ARSJ: variants seen among roughly 807,000 people sequenced by gnomAD.
ARSJ encodes the protein arylsulfatase family member J, also known as arylsulfatase J.
Under a neutral mutation model 35.9 loss-of-function variants are expected in ARSJ, and 26 were observed. That is an observed-to-expected ratio of 0.72 (90% CI 0.53 to 1.00). The LOEUF (loss-of-function observed/expected upper bound fraction) is 1.00, where lower values mean the gene tolerates loss of function less well. ARSJ is among the 50% of genes least tolerant of loss of function. ARSJ has a pLI of 0.00. For synonymous variants in ARSJ, 294 were observed against 267.6 expected (o/e 1.10, Z -0.96); for missense variants, 667 against 723.6 (o/e 0.92, Z 0.90).
chr4:113,918,866 C>T (rs1017369125), intron 1 of ARSJ, among the ~76,000 whole-genome samples: 5 of 152,042 alleles, frequency 3.3e-5, no homozygotes, highest in African/African-American at 4.8e-5. Flanking sequence ...TATCACAGTT[C>T]AATGCAGCCC....
Position 113,902,911 on chromosome 4 carries a change from G to C in ARSJ, c.1163C>G (p.Ala388Gly). The change falls in exon 2 of 2, where the codon GCT (alanine) becomes GGT (glycine). Residue 388 changes from alanine to glycine, a missense_variant. Coordinates refer to ENST00000315366, the MANE Select transcript of ARSJ (RefSeq NM_024590.4). ...AATGTCCTCATCAATCTGTCCTTCA[G>C]CCAGTGAAATGAGAGTGGGGTACCA... is the stretch of plus-strand genomic sequence containing the variant. ...TDWYPTLISLAEGQIDEDIQL... is the reference protein window; with the variant it reads ...TDWYPTLISLGEGQIDEDIQL... 6.2e-7 allele frequency: 1 copy of C among 1,614,164 alleles called. No homozygotes were observed. Among genetic ancestry groups the C allele is most frequent in the Non-Finnish European group, 8.5e-7 (1 of 1,180,030 alleles).
At chr4:113,904,999 G>A (rs1382494530) in intron 1 of ARSJ, among the ~76,000 whole-genome samples, 1 of 152,144 alleles carries the variant, frequency 6.6e-6, no homozygotes, top group Non-Finnish European at 1.5e-5. Context: ...GTCTAAGAAA[G>A]CATAACACTT....
In ARSJ at chr4:113,902,018, A is replaced by G; in HGVS notation, c.*256T>C. ...ACAGCAGTGGAACTCAGGACTCACC[A>G]CGTTTTCTAAAGGAGCAAGAGAAAT... On this transcript the variant is annotated 3_prime_UTR_variant, in exon 2 of 2. Coordinates refer to ENST00000315366, the MANE Select transcript of ARSJ (RefSeq NM_024590.4). 1 of 1,079,388 alleles carries G rather than the reference A, an allele frequency of 9.3e-7. No homozygotes were observed. The highest frequency in any genetic ancestry group is 1.6e-5 in the South Asian group (1 of 62,698). 66.9% of individuals were successfully genotyped at this position (1,079,388 alleles called of 1,614,324 possible). A position where few individuals can be genotyped will look rare whatever the true frequency, so the allele number is the denominator to read the frequency against.
At chr4:113,930,049 C>A (rs569433439) in intron 1 of ARSJ, among the ~76,000 whole-genome samples, 1 of 152,126 alleles carries the variant, frequency 6.6e-6, no homozygotes, top group African/African-American at 2.4e-5. Context: ...AAGCAGCCAA[C>A]TCCAGAAACC....
rs575678375 is a variant in ARSJ, at chr4:113,965,080, T to C, written c.398+13357A>G. 3.9e-5 allele frequency among the ~76,000 whole-genome samples: 6 copies of C among 152,270 alleles called. No individual in the cohort carries two copies. In the South Asian group the frequency reaches 1.2e-3, roughly 32 times the overall value. ...TTTAAATGCCTTGTGGCATCTACAC[T>C]TATGGAATATTTAAGTTCTTCATTT... On this transcript the variant is annotated intron_variant, in intron 1 of 1. Coordinates refer to ENST00000315366, the MANE Select transcript of ARSJ (RefSeq NM_024590.4).
intron 1 of ARSJ, chr4:113,971,020 G>A (rs1166454268): frequency 6.6e-6 from 1 of 150,838 alleles, no homozygotes; most frequent in Non-Finnish European, 1.5e-5. Context: ...ATGAGAAGCA[G>A]AAAGTCTTTT....
intron 1 of ARSJ, among the ~76,000 whole-genome samples, chr4:113,918,209 T>C (rs1010357228): frequency 2.6e-5 from 4 of 152,092 alleles, no homozygotes; most frequent in African/African-American, 9.7e-5. Context: ...CGAGGCTGAA[T>C]TGTCCTCACA....
At chr4:113,942,415 T>C (rs1205897857) in intron 1 of ARSJ, among the ~76,000 whole-genome samples, 1 of 152,060 alleles carries the variant, frequency 6.6e-6, no homozygotes, top group Non-Finnish European at 1.5e-5. Flanking sequence ...CTTGAAATTA[T>C]GGCTGCAACC....
intron 1 of ARSJ, among the ~76,000 whole-genome samples, chr4:113,972,772 C>G (rs1727355559): frequency 6.6e-6 from 1 of 152,176 alleles, no homozygotes; most frequent in Admixed American, 6.5e-5. Context: ...TGGACAGCCC[C>G]TGTACCTTTT....
intron 1 of ARSJ, among the ~76,000 whole-genome samples, chr4:113,910,773 T>C (rs1190538897): frequency 1.3e-5 from 2 of 152,168 alleles, no homozygotes; most frequent in Non-Finnish European, 2.9e-5. Context: ...TCCTACACTG[T>C]GCTAGCTTTG....
chr4:113,902,427 C>A lies in ARSJ; in HGVS notation c.1647G>T (p.Gly549=). The A allele has an allele frequency of 2.5e-6, 4 of 1,613,850 alleles. No individual in the cohort carries two copies. Among genetic ancestry groups the A allele is most frequent in the Non-Finnish European group, 3.4e-6 (4 of 1,179,982 alleles). Residue 549 remains glycine (G), a synonymous_variant, in exon 2 of 2, where the codon GGG becomes GGT. Coordinates refer to ENST00000315366, the MANE Select transcript of ARSJ (RefSeq NM_024590.4). ...CCTCTTTATACCATGGTCCCCAGAC[C>A]CCTCCATTGAGCCTAGGGTTACTTC... The part of the protein sequence containing the change: ...DPRSNPRLNG[G]VWGPWYKEET...
At chr4:113,923,397 C>A (rs1723805488) in intron 1 of ARSJ, among the ~76,000 whole-genome samples, 1 of 151,982 alleles carries the variant, frequency 6.6e-6, no homozygotes, top group African/African-American at 2.4e-5. Context: ...TAGATTTCAG[C>A]CTATGTAGAT....
At chr4:113,972,315 A>AAC (rs1562379433) in intron 1 of ARSJ, among the ~76,000 whole-genome samples, 1 of 149,552 alleles carries the variant, frequency 6.7e-6, no homozygotes, top group Non-Finnish European at 1.5e-5. Flanking sequence ...AACAAAAAAA[A>AAC]AAACCCCACC....
At position 113,900,606 on chromosome 4, in the gene ARSJ, A is replaced by T. The variant is rs1177587863; in HGVS notation, c.*1668T>A. ...TAAATGTATTTAATGGTATGCTGTC[A>T]TACCACCACACACATTTTCAGATCA... On this transcript the variant is annotated 3_prime_UTR_variant, in exon 2 of 2. Coordinates refer to ENST00000315366, the MANE Select transcript of ARSJ (RefSeq NM_024590.4). The T allele has an allele frequency of 6.6e-6, 1 of 152,176 alleles. No homozygotes were observed. The highest frequency in any genetic ancestry group is 1.9e-4 in the East Asian group (1 of 5,194). The allele number at this position is 152,176 out of a possible 1,614,324, so 9.4% of individuals were successfully genotyped here.
intron 1 of ARSJ, among the ~76,000 whole-genome samples, chr4:113,962,146 C>A (rs1324257222): frequency 6.6e-6 from 1 of 151,956 alleles, no homozygotes; most frequent in African/African-American, 2.4e-5. Context: ...GGTGAATTCA[C>A]CCAGTTCATT....
intron 1 of ARSJ, among the ~76,000 whole-genome samples, chr4:113,971,276 A>G (rs1374643380): frequency 6.6e-6 from 1 of 152,216 alleles, no homozygotes. Context: ...CAGGGGCCCT[A>G]GGTCTTTTGG....
chr4:113,901,530 A>G lies in ARSJ; in HGVS notation c.*744T>C, dbSNP rs967333334. 1 of 152,614 alleles carries G rather than the reference A, an allele frequency of 6.6e-6. No homozygotes were observed. The highest frequency in any genetic ancestry group is 2.4e-5 in the African/African-American group (1 of 41,458). 9.5% of individuals were successfully genotyped at this position (152,614 alleles called of 1,614,324 possible). On this transcript the variant is annotated 3_prime_UTR_variant, in exon 2 of 2. Transcript: ENST00000315366. ...TAAAAACAACAAAATATTTTTCTGT[A>G]AAAATAAATTAGGTTTTTTATACTG... is the stretch of plus-strand genomic sequence containing the variant.
intron 1 of ARSJ, among the ~76,000 whole-genome samples, chr4:113,918,672 T>C (rs1351307864): frequency 6.6e-6 from 1 of 152,192 alleles, no homozygotes; most frequent in Non-Finnish European, 1.5e-5. Flanking sequence ...AATCTCACAT[T>C]ATAAAACCGA....
chr4:113,958,933 C>T (rs1425380110), intron 1 of ARSJ, among the ~76,000 whole-genome samples: 1 of 151,988 alleles, frequency 6.6e-6, no homozygotes, highest in Non-Finnish European at 1.5e-5. Context: ...TTAAACCCCG[C>T]ACGCAGGCTA....
Sources: gnomAD v4.1 joint callset for allele counts (sites outside exome capture counted in the v4.1 genomes callset) on GRCh38, gnomAD v4.1.1 for gene constraint, MANE v1.5 for transcripts, NCBI Gene and HGNC (gene_info 2026-07-23, HGNC 2026-07-21) for gene names.